ALKBH3: variants seen among roughly 807,000 people sequenced by gnomAD.
ALKBH3 encodes alpha-ketoglutarate-dependent dioxygenase alkB homolog 3.
In ALKBH3, 51 loss-of-function variants were observed where a neutral mutation model predicts 43.9. That is an observed-to-expected ratio of 1.16 (90% CI 0.93 to 1.47). ALKBH3 has a LOEUF of 1.47. ALKBH3 is among the 40% of genes most tolerant of loss of function. ALKBH3 has a pLI of 0.00. For missense variants in ALKBH3, 361 were observed against 351.9 expected (o/e 1.03, Z -0.21); for synonymous variants, 102 against 115.2 (o/e 0.89, Z 0.73).
intron 8 of ALKBH3, among the ~76,000 whole-genome samples, chr11:43,904,094 CTT>C (rs1951880500): frequency 1.3e-5 from 2 of 152,212 alleles, no homozygotes; most frequent in Non-Finnish European, 2.9e-5. Flanking sequence ...GTAGCTTTCT[CTT>C]CTCCTCAGCC....
intron 8 of ALKBH3, chr11:43,916,765 C>T (rs1003816924): frequency 6.6e-6 from 1 of 152,186 alleles, no homozygotes; most frequent in Non-Finnish European, 1.5e-5. Flanking sequence ...TAAGTGGAAA[C>T]AGTCTCCATG....
intron 5 of ALKBH3, among the ~76,000 whole-genome samples, chr11:43,886,970 G>A (rs1470436822): frequency 1.3e-5 from 2 of 152,094 alleles, no homozygotes; most frequent in African/African-American, 2.4e-5. Flanking sequence ...GAGGGTGGGA[G>A]GAGGGAGAGG....
intron 5 of ALKBH3, 100 bp from the exon 6 acceptor site, chr11:43,889,625 C>G: frequency 1.1e-6 from 1 of 906,498 alleles, no homozygotes; most frequent in East Asian, 2.6e-5. Context: ...TTTCATGTAC[C>G]CATTAGAGGC....
At chr11:43,909,630 G>T (rs1222815437) in intron 8 of ALKBH3, 1 of 152,250 alleles carries the variant, frequency 6.6e-6, no homozygotes, top group Non-Finnish European at 1.5e-5. Flanking sequence ...CGGGTAAGTA[G>T]CTGTAACACA....
chr11:43,899,514 C>A (rs958218388), intron 7 of ALKBH3: 20 of 695,142 alleles, frequency 2.9e-5, no homozygotes, highest in Admixed American at 9.3e-5. Context: ...TTGAGTGCAC[C>A]ACCACCTTCT....
rs562425444 is a variant in ALKBH3, at chr11:43,908,331, C to G, written c.669+6606C>G. On this transcript the variant is annotated intron_variant, in intron 8 of 9. Transcript: ENST00000302708. ...GAAGGGTGCAGGAGGGAAAGAGTTC[C>G]GGGGGATTGTGTCTGATCAGATTAT... Among the ~76,000 whole-genome samples, 10 of 151,912 alleles carry G rather than the reference C, an allele frequency of 6.6e-5. 1 individual carries two copies. The South Asian group carries it at 2.1e-3, about 32-fold the overall frequency.
chr11:43,919,354 T>C (rs922978480), intron 9 of ALKBH3, among the ~76,000 whole-genome samples: 4 of 152,372 alleles, frequency 2.6e-5, no homozygotes, highest in Non-Finnish European at 4.4e-5. Flanking sequence ...AAGTGTTCAG[T>C]ATCTGTGCTG....
At chr11:43,888,478 A>G (rs998398042) in intron 5 of ALKBH3, among the ~76,000 whole-genome samples, 1 of 152,256 alleles carries the variant, frequency 6.6e-6, no homozygotes, top group Non-Finnish European at 1.5e-5. Context: ...AAAAACATTT[A>G]AAAACATTGA....
Position 43,919,953 on chromosome 11 carries a change from G to C in ALKBH3, c.804G>C (p.Pro268=). Residue 268 remains proline (P), a synonymous_variant, in exon 10 of 10, where the codon CCG becomes CCC. Coordinates refer to ENST00000302708, the MANE Select transcript of ALKBH3 (RefSeq NM_139178.4). ...CCAAAGAATACCACTCTAGAGAACC[G>C]AGAGTGAACCTGACCTTTCGGACAG... ...RVPKEYHSRE[P]RVNLTFRTVY... is the part of the protein sequence containing the mutation. 1 of 1,614,134 alleles carries C rather than the reference G, an allele frequency of 6.2e-7. No individual in the cohort carries two copies. The highest frequency in any genetic ancestry group is 2.2e-5 in the East Asian group (1 of 44,890).
intron 7 of ALKBH3, chr11:43,897,968 A>G (rs866110701): frequency 1.5e-5 from 12 of 789,606 alleles, no homozygotes; most frequent in South Asian, 1.3e-5. Flanking sequence ...TTTGTGCCCC[A>G]TTGGACTCCA....
chr11:43,889,518 T>C (rs1189397114), intron 5 of ALKBH3, among the ~76,000 whole-genome samples: 1 of 152,214 alleles, frequency 6.6e-6, no homozygotes, highest in Non-Finnish European at 1.5e-5. Flanking sequence ...TTGCCTCTTT[T>C]ATTTGTCCCA....
Position 43,918,127 on chromosome 11 carries a change from A to G in ALKBH3, c.670-911A>G, listed in dbSNP as rs918478247. Among the ~76,000 whole-genome samples the G allele has an allele frequency of 4.6e-5, 7 of 152,206 alleles. No homozygotes were observed. In the East Asian group the frequency reaches 1.3e-3, roughly 29 times the overall value. ...GACCCATCAGTTCTGCCCAGAATGG[A>G]GGTGAAGAAATCAGGAAGCTCAGAT... On this transcript the variant is annotated intron_variant, in intron 8 of 9. Transcript: ENST00000302708.
chr11:43,886,580 CA>C, intron 4 of ALKBH3, 25 bp from the exon 5 acceptor site: 1 of 1,613,530 alleles, frequency 6.2e-7, no homozygotes, highest in East Asian at 2.2e-5. Flanking sequence ...CTCAAACTAA[CA>C]AGTCTGTTTC....
At chr11:43,899,176 TC>T in intron 7 of ALKBH3, 2 of 776,074 alleles carry the variant, frequency 2.6e-6, no homozygotes, top group Non-Finnish European at 4.7e-6. Flanking sequence ...GCCCCACCTC[TC>T]CAGGTGGGAA....
intron 8 of ALKBH3, among the ~76,000 whole-genome samples, chr11:43,912,903 C>T (rs972124506): frequency 2.6e-5 from 4 of 152,130 alleles, no homozygotes; most frequent in Admixed American, 6.5e-5. Flanking sequence ...TCTCCCAGCT[C>T]TACACAAAGC....
At chr11:43,891,630 G>C (rs1565123898) in intron 6 of ALKBH3, among the ~76,000 whole-genome samples, 1 of 152,194 alleles carries the variant, frequency 6.6e-6, no homozygotes, top group Non-Finnish European at 1.5e-5. Flanking sequence ...TTGCACACAT[G>C]AATGAGCAGT....
chr11:43,904,183 TTGTC>T (rs1951881004), intron 8 of ALKBH3, among the ~76,000 whole-genome samples: 2 of 152,180 alleles, frequency 1.3e-5, no homozygotes, highest in Non-Finnish European at 2.9e-5. Flanking sequence ...GTCCACATAA[TTGTC>T]TGCCAGTGGC....
At chr11:43,919,375 T>C (rs933505771) in intron 9 of ALKBH3, among the ~76,000 whole-genome samples, 1 of 152,236 alleles carries the variant, frequency 6.6e-6, no homozygotes, top group Non-Finnish European at 1.5e-5. Context: ...CCTATTGTAG[T>C]AGTCACTAGC....
rs114111283 is a variant in ALKBH3 at position 43,894,782 on chromosome 11, A to G, written c.459+2653A>G. On this transcript the variant is annotated intron_variant, in intron 7 of 9. Coordinates refer to ENST00000302708, the MANE Select transcript of ALKBH3 (RefSeq NM_139178.4). ...AGTAAATAGGAAATACAGCCTGCTG[A>G]CATTATTATTGGAATTTCACTTTGG... 1.3e-3 allele frequency among the ~76,000 whole-genome samples: 198 copies of G among 152,354 alleles called. 1 individual carries two copies. Among genetic ancestry groups the G allele is most frequent in the African/African-American group, 4.6e-3 (190 of 41,584 alleles).
Sources: allele counts gnomAD v4.1 joint callset (sites outside exome capture counted in the v4.1 genomes callset), GRCh38; gene constraint gnomAD v4.1.1; transcripts MANE v1.5; gene names NCBI Gene and HGNC (gene_info 2026-07-23, HGNC 2026-07-21).